The following DAB1 variants were observed in gnomAD, a reference collection of about 807,000 sequenced individuals.
The protein encoded by DAB1 is disabled homolog 1.
In DAB1, 15 loss-of-function variants were observed where a neutral mutation model predicts 64.6. The observed-to-expected ratio is 0.23, with a 90% CI of 0.16 to 0.36. The LOEUF (loss-of-function observed/expected upper bound fraction) is 0.36, where lower values mean the gene tolerates loss of function less well. DAB1 is among the 10% of genes least tolerant of loss of function. DAB1 has a pLI of 1.00. For missense variants in DAB1, 596 were observed against 706.7 expected, an observed-to-expected ratio of 0.84 and a Z score of 1.78; for synonymous variants, 235 against 251.9, an observed-to-expected ratio of 0.93 and a Z score of 0.64.
intron 4 of DAB1, among the ~76,000 whole-genome samples, chr1:57,093,728 A>G (rs1051495166): frequency 1.3e-5 from 2 of 152,234 alleles, no homozygotes; most frequent in African/African-American, 4.8e-5. Flanking sequence ...AAATGGGAAT[A>G]GTAAACTACA....
chr1:57,699,305 G>A (rs1646881034), intron 6 of DAB1, among the ~76,000 whole-genome samples: 1 of 152,078 alleles, frequency 6.6e-6, no homozygotes, highest in Non-Finnish European at 1.5e-5. Flanking sequence ...GGAAATAAGG[G>A]TTATTCTTCT....
At chr1:57,280,676 A>G (rs1012954681) in intron 2 of DAB1, among the ~76,000 whole-genome samples, 2 of 152,234 alleles carry the variant, frequency 1.3e-5, no homozygotes, top group African/African-American at 4.8e-5. Context: ...CTTACTACCA[A>G]TATGGCCTAC....
intron 5 of DAB1, among the ~76,000 whole-genome samples, chr1:57,925,563 C>G (rs931559938): frequency 3.9e-5 from 6 of 152,200 alleles, no homozygotes; most frequent in Non-Finnish European, 8.8e-5. Context: ...ACATTGCTCT[C>G]ACAGAGTTTC....
At chr1:58,258,197 G>A (rs1406417803) in intron 4 of DAB1, among the ~76,000 whole-genome samples, 1 of 152,110 alleles carries the variant, frequency 6.6e-6, no homozygotes, top group Non-Finnish European at 1.5e-5. Flanking sequence ...AGGAGCAGCT[G>A]TGTCTGTCAG....
intron 5 of DAB1, among the ~76,000 whole-genome samples, chr1:58,066,615 G>T (rs1648870042): frequency 1.3e-5 from 2 of 152,180 alleles, no homozygotes; most frequent in African/African-American, 4.8e-5. Flanking sequence ...GAGTAACTTG[G>T]CCAAGGTTGC....
chr1:58,488,563 T>C (rs1557437344), intron 3 of DAB1, among the ~76,000 whole-genome samples: 1 of 152,202 alleles, frequency 6.6e-6, no homozygotes, highest in Non-Finnish European at 1.5e-5. Context: ...GCAATTCTCC[T>C]GTGTCAGCCT....
intron 5 of DAB1, among the ~76,000 whole-genome samples, chr1:58,083,606 C>T (rs1160915235): frequency 1.3e-5 from 2 of 152,214 alleles, no homozygotes; most frequent in Non-Finnish European, 2.9e-5. Context: ...TAATTGCGCA[C>T]TTAACAAATC....
At chr1:58,185,992 A>G (rs1195421158) in intron 4 of DAB1, among the ~76,000 whole-genome samples, 1 of 152,188 alleles carries the variant, frequency 6.6e-6, no homozygotes, top group African/African-American at 2.4e-5. Flanking sequence ...CTGTTCTAAC[A>G]GCAAAACTAC....
At chr1:58,483,890 A>G (rs1308995558) in intron 3 of DAB1, among the ~76,000 whole-genome samples, 2 of 152,194 alleles carry the variant, frequency 1.3e-5, no homozygotes, top group African/African-American at 4.8e-5. Context: ...CATGGCTGCT[A>G]TATCAGTGTA....
chr1:57,090,392 A>ATTTCCTATCATTTGGCATCT (rs1653539854), intron 4 of DAB1, among the ~76,000 whole-genome samples: 1 of 152,158 alleles, frequency 6.6e-6, no homozygotes, highest in Non-Finnish European at 1.5e-5. Flanking sequence ...TAATCCGCAA[A>ATTTCCTATCATTTGGCATCT]AGTAGGCATC....
chr1:58,523,847 C>T (rs1425677384), intron 2 of DAB1, among the ~76,000 whole-genome samples: 3 of 151,342 alleles, frequency 2.0e-5, no homozygotes, highest in Non-Finnish European at 2.9e-5. Context: ...TGCAGTGAGC[C>T]GAGATCACAC....
At chr1:57,120,941 A>G (rs1007281675) in intron 4 of DAB1, among the ~76,000 whole-genome samples, 2 of 152,130 alleles carry the variant, frequency 1.3e-5, no homozygotes, top group African/African-American at 4.8e-5. Flanking sequence ...AGGACAAAAG[A>G]GAGATATCTA....
intron 2 of DAB1, among the ~76,000 whole-genome samples, chr1:57,213,178 T>C (rs1172499373): frequency 6.8e-6 from 1 of 146,088 alleles, no homozygotes; most frequent in East Asian, 2.1e-4. Context: ...TTTTAAAAGG[T>C]ACAAAGAAAT....
intron 6 of DAB1, among the ~76,000 whole-genome samples, chr1:57,751,338 G>A (rs151049656): frequency 2.0e-5 from 3 of 152,266 alleles, no homozygotes; most frequent in Non-Finnish European, 4.4e-5. Flanking sequence ...ACCTGGAGGG[G>A]TTTTGGCAAC....
intron 1 of DAB1, among the ~76,000 whole-genome samples, chr1:57,355,319 TCTTCCTTCCTTCCTTCCATCCTCCCTTC>T (rs905537846): frequency 6.6e-6 from 1 of 151,700 alleles, no homozygotes; most frequent in Non-Finnish European, 1.5e-5. Flanking sequence ...TACTTATCTA[TCTTCCTTCCTTCCTTCCATCCTCCCTTC>T]CTTCCTTCCT....
chr1:57,585,593 C>A (rs1645369434), intron 7 of DAB1, among the ~76,000 whole-genome samples: 1 of 152,112 alleles, frequency 6.6e-6, no homozygotes, highest in Non-Finnish European at 1.5e-5. Context: ...TGTCTTGGAC[C>A]TTGAATGCAT....
intron 5 of DAB1, among the ~76,000 whole-genome samples, chr1:57,939,868 C>T (rs886351500): frequency 5.3e-5 from 8 of 152,226 alleles, no homozygotes; most frequent in Non-Finnish European, 1.0e-4. Flanking sequence ...CTTACCACTG[C>T]TCTGTCCCAC....
chr1:58,012,037 C>A (rs1006898764), intron 5 of DAB1, among the ~76,000 whole-genome samples: 3 of 152,106 alleles, frequency 2.0e-5, no homozygotes, highest in Admixed American at 6.6e-5. Context: ...TAGATGATTG[C>A]TTAGTTATAT....
intron 3 of DAB1, among the ~76,000 whole-genome samples, chr1:58,393,652 T>C (rs1171792968): frequency 6.6e-6 from 1 of 152,130 alleles, no homozygotes; most frequent in Non-Finnish European, 1.5e-5. Flanking sequence ...ATCACACTTA[T>C]ATGTGAAATC....
Sources: allele counts gnomAD v4.1 joint callset (sites outside exome capture counted in the v4.1 genomes callset), GRCh38; gene constraint gnomAD v4.1.1; transcripts MANE v1.5; gene names NCBI Gene and HGNC (gene_info 2026-07-23, HGNC 2026-07-21).